The following PIGB variants were observed in gnomAD, a reference collection of about 807,000 sequenced individuals.
The protein encoded by PIGB is phosphatidylinositol glycan anchor biosynthesis class B, also known as GPI alpha-1,2-mannosyltransferase 3.
A neutral mutation model predicts 68.4 loss-of-function variants in PIGB; 58 were observed. The observed-to-expected ratio is 0.85, with a 90% CI of 0.69 to 1.06. The LOEUF (loss-of-function observed/expected upper bound fraction) is 1.06, where lower values mean the gene tolerates loss of function less well. Among genes scored for constraint, PIGB ranks in the 50% least tolerant of loss-of-function variants. PIGB has a pLI of 0.00. For synonymous variants in PIGB, 219 were observed against 220.5 expected, an observed-to-expected ratio of 0.99 and a Z score of 0.06; for missense variants, 634 against 655.8, an observed-to-expected ratio of 0.97 and a Z score of 0.36.
intron 5 of PIGB, among the ~76,000 whole-genome samples, chr15:55,333,226 C>T (rs1269521057): frequency 2.0e-5 from 3 of 152,116 alleles, no homozygotes; most frequent in East Asian, 1.9e-4. Context: ...GCACTGAAAA[C>T]GGCTTTAGAT....
chr15:55,337,908 G>A (rs1021676614), intron 6 of PIGB, among the ~76,000 whole-genome samples: 3 of 152,138 alleles, frequency 2.0e-5, no homozygotes, highest in African/African-American at 7.2e-5. Context: ...AAGGAATTTA[G>A]ACATGAGTAC....
At chr15:55,349,738 G>C (rs2055882551) in intron 9 of PIGB, 1 of 152,148 alleles carries the variant, frequency 6.6e-6, no homozygotes, top group South Asian at 2.1e-4. Context: ...ATTCAGTATT[G>C]TACTAACATT....
intron 6 of PIGB, among the ~76,000 whole-genome samples, chr15:55,336,793 G>C (rs896821242): frequency 1.3e-5 from 2 of 152,144 alleles, no homozygotes; most frequent in East Asian, 3.9e-4. Flanking sequence ...TTCAAGACCA[G>C]CCTGGCCAAT....
chr15:55,329,073 C>A (rs191449746), intron 4 of PIGB, among the ~76,000 whole-genome samples: 7 of 152,338 alleles, frequency 4.6e-5, no homozygotes, highest in Admixed American at 2.6e-4. Flanking sequence ...GCTAGTGCCA[C>A]ATGCTTAACA....
At chr15:55,355,138 C>A in intron 11 of PIGB, 148 bp from the exon 12 acceptor site, 1 of 879,268 alleles carries the variant, frequency 1.1e-6, no homozygotes, top group Non-Finnish European at 1.7e-6. Context: ...AGTTCTGTAA[C>A]TATCAAAGTA....
At chr15:55,345,085 T>G (rs1333583631) in intron 9 of PIGB, among the ~76,000 whole-genome samples, 1 of 151,894 alleles carries the variant, frequency 6.6e-6, no homozygotes, top group African/African-American at 2.4e-5. Context: ...TAGTTGGGGC[T>G]TGACCATGTT....
chr15:55,329,641 A>C, intron 4 of PIGB, 83 bp from the exon 5 acceptor site: 1 of 1,080,026 alleles, frequency 9.3e-7, no homozygotes, highest in Non-Finnish European at 1.3e-6. Context: ...CAATATTTAG[A>C]CTTGCTTGCT....
intron 5 of PIGB, among the ~76,000 whole-genome samples, chr15:55,332,172 A>C (rs1157057001): frequency 1.3e-5 from 2 of 151,218 alleles, no homozygotes; most frequent in African/African-American, 4.9e-5. Context: ...ATGGGGTTTC[A>C]CCATGTTGGC....
Position 55,354,810 on chromosome 15 carries a change from C to T in PIGB, c.1350C>T (p.Cys450=). 1 of 1,608,354 alleles carries T rather than the reference C, an allele frequency of 6.2e-7. No homozygotes were observed. The highest frequency in any genetic ancestry group is 1.7e-4 in the Middle Eastern group (1 of 6,048). ...HSTPYYSHVH[C]PLPMRFLQCP... is the part of the protein sequence containing the mutation. ...TTTCTTTTCATAGCCATGTTCACTG[C>T]CCACTTCCCATGAGATTTCTCCAGT... is the stretch of plus-strand genomic sequence containing the variant. Residue 450 remains cysteine (C), a synonymous_variant, in exon 11 of 12, where the codon TGC becomes TGT. Coordinates refer to ENST00000164305, the MANE Select transcript of PIGB (RefSeq NM_004855.5).
chr15:55,345,976 T>C (rs904806555), intron 9 of PIGB, among the ~76,000 whole-genome samples: 5 of 151,636 alleles, frequency 3.3e-5, no homozygotes, highest in African/African-American at 9.8e-5. Context: ...ATTGGTAAAA[T>C]GTGGTAGGGA....
intron 3 of PIGB, among the ~76,000 whole-genome samples, chr15:55,322,239 G>A (rs539625464): frequency 4.9e-4 from 75 of 152,226 alleles, no homozygotes; most frequent in Non-Finnish European, 9.6e-4. Context: ...TACCTTGTAA[G>A]AAGACCGTGT....
intron 9 of PIGB, among the ~76,000 whole-genome samples, chr15:55,343,951 G>A (rs1246369836): frequency 6.6e-6 from 1 of 152,164 alleles, no homozygotes; most frequent in Non-Finnish European, 1.5e-5. Context: ...GAAATCTCTG[G>A]ACATTTAGAA....
Position 55,340,723 on chromosome 15 carries a change from T to C in PIGB, c.958T>C (p.Leu320=), listed in dbSNP as rs750670414. 1.2e-6 allele frequency: 2 copies of C among 1,611,150 alleles called. No homozygotes were observed. The highest frequency in any genetic ancestry group is 3.3e-5 in the Admixed American group (2 of 59,752). ...WYFSQGFPVI[L]GTHLPFFIHG... ...CTTCAGTCAAGGATTTCCAGTTATC[T>C]TGGGTACTCACTTACCCTTCTTTAT... The change falls in exon 8 of 12, where the codon TTG becomes CTG. Residue 320 remains leucine, a synonymous_variant. Coordinates refer to ENST00000164305, the MANE Select transcript of PIGB (RefSeq NM_004855.5).
chr15:55,338,862 G>C (rs975414649), intron 6 of PIGB, among the ~76,000 whole-genome samples: 1 of 152,232 alleles, frequency 6.6e-6, no homozygotes, highest in Admixed American at 6.5e-5. Context: ...TGAACCTTCA[G>C]ATGAAACTGT....
intron 4 of PIGB, among the ~76,000 whole-genome samples, chr15:55,328,856 C>G (rs984380370): frequency 2.6e-5 from 4 of 152,130 alleles, no homozygotes; most frequent in African/African-American, 9.7e-5. Context: ...ATCCCAGCTA[C>G]TCGGGAGGCT....
At chr15:55,322,009 T>A (rs2055179834) in intron 3 of PIGB, among the ~76,000 whole-genome samples, 1 of 151,400 alleles carries the variant, frequency 6.6e-6, no homozygotes, top group African/African-American at 2.4e-5. Flanking sequence ...ACCGCGTCTC[T>A]ACTAAAAATA....
At chr15:55,341,209 A>G (rs2055663411) in intron 8 of PIGB, among the ~76,000 whole-genome samples, 1 of 152,184 alleles carries the variant, frequency 6.6e-6, no homozygotes, top group African/African-American at 2.4e-5. Context: ...AAAAAATTTA[A>G]AATTACCAGG....
At chr15:55,326,275 T>G (rs1461614878) in intron 3 of PIGB, among the ~76,000 whole-genome samples, 2 of 151,796 alleles carry the variant, frequency 1.3e-5, no homozygotes, top group Non-Finnish European at 2.9e-5. Flanking sequence ...ATCTTATACA[T>G]AATATTATCT....
chr15:55,341,729 T>A lies in PIGB; in HGVS notation c.1059-9T>A, dbSNP rs2055675844. ...TAATATTTTTTAATAATATTTGTTT[T>A]TATTACAGCATGTTGAGCCACAAAG... is the stretch of plus-strand genomic sequence containing the variant. On this transcript the variant is annotated splice_polypyrimidine_tract_variant and intron_variant, in intron 8 of 11. Transcript: ENST00000164305. The A allele has an allele frequency of 1.5e-6, 2 of 1,302,218 alleles. No homozygotes were observed. Among genetic ancestry groups the A allele is most frequent in the African/African-American group, 3.0e-5 (2 of 66,900 alleles). 80.7% of individuals were successfully genotyped at this position (1,302,218 alleles called of 1,614,324 possible).
Sources: allele counts gnomAD v4.1 joint callset (sites outside exome capture counted in the v4.1 genomes callset), GRCh38; gene constraint gnomAD v4.1.1; transcripts MANE v1.5; gene names NCBI Gene and HGNC (gene_info 2026-07-23, HGNC 2026-07-21).